Variants in GALNT18 observed in about 807,000 individuals in gnomAD.
The protein encoded by GALNT18 is GalNAc-transferase 18.
Under a neutral mutation model 69.5 loss-of-function variants are expected in GALNT18, and 44 were observed. The observed-to-expected ratio is 0.63, with a 90% CI of 0.50 to 0.81. The LOEUF is 0.81. Ranked by LOEUF, GALNT18 falls within the 40% of genes least tolerant of loss-of-function variation. The probability of loss-of-function intolerance (pLI) is 0.00; values close to 1 mark genes in which losing one functional copy is unlikely to be tolerated. For synonymous variants in GALNT18, 364 were observed against 318.2 expected, an observed-to-expected ratio of 1.14 and a Z score of -1.53; for missense variants, 715 against 810.0, an observed-to-expected ratio of 0.88 and a Z score of 1.42.
In GALNT18 at chr11:11,332,334, TGACTCATA is replaced by T. The variant is rs1850030642; in HGVS notation, c.1416+352_1416+359del. Among the ~76,000 whole-genome samples the T allele has an allele frequency of 6.6e-6, 1 of 152,170 alleles. No individual in the cohort carries two copies. Among genetic ancestry groups the T allele is most frequent in the Non-Finnish European group, 1.5e-5 (1 of 68,026 alleles). On this transcript the variant is annotated intron_variant, in intron 8 of 10. Transcript: ENST00000227756. The surrounding 1 kb of genome is among the most constrained non-coding windows in gnomAD (Gnocchi z 4.3). ...TCCTTGGTCAGGGAGGCACACAGGG[TGACTCATA>T]GACCCTCAGGCACCCCAGCTGGGAG...
At chr11:11,391,828 G>C (rs1466828355) in intron 3 of GALNT18, among the ~76,000 whole-genome samples, 1 of 152,258 alleles carries the variant, frequency 6.6e-6, no homozygotes, top group Non-Finnish European at 1.5e-5. Flanking sequence ...CCCAGATAAA[G>C]AGAAGCAGGC....
Position 11,271,015 on chromosome 11 carries a change from T to TA in GALNT18, c.*128dup, listed in dbSNP as rs1194942966. ...AACTCCATGAAAATTGAATAGGAAATAAAAAGCTCTTCTTGGGGGCCCACT... is the reference window on the plus strand; with the variant it reads ...AACTCCATGAAAATTGAATAGGAAATAAAAAAGCTCTTCTTGGGGGCCCACT... On this transcript the variant is annotated 3_prime_UTR_variant, in exon 11 of 11. Transcript: ENST00000227756. 7.2e-6 allele frequency: 5 copies of TA among 692,548 alleles called. No individual in the cohort carries two copies. Among genetic ancestry groups the TA allele is most frequent in the Non-Finnish European group, 1.1e-5 (5 of 436,752 alleles). The allele number at this position is 692,548 out of a possible 1,614,324, so 42.9% of individuals were successfully genotyped here.
chr11:11,327,208 A>C, intron 8 of GALNT18, 27 bp from the exon 9 acceptor site: 1 of 1,494,576 alleles, frequency 6.7e-7, no homozygotes, highest in Non-Finnish European at 9.3e-7. Context: ...AGATGGCCAC[A>C]CCAAAGAGAG....
chr11:11,366,248 C>T (rs1850765753), intron 6 of GALNT18, among the ~76,000 whole-genome samples: 1 of 152,148 alleles, frequency 6.6e-6, no homozygotes, highest in Non-Finnish European at 1.5e-5. Context: ...TAGGTTGAGT[C>T]AGTTTTCTTA....
chr11:11,596,994 G>A lies in GALNT18; in HGVS notation c.235+24365C>T, dbSNP rs900019587. 2.0e-5 allele frequency among the ~76,000 whole-genome samples: 3 copies of A among 152,100 alleles called. No homozygotes were observed. The highest frequency in any genetic ancestry group is 2.4e-5 in the African/African-American group (1 of 41,422). ...AATTATCTTCAATTCCTAGTTTATT[G>A]AGTGTTTTCATCCAGAAAGGGTAGA... On this transcript the variant is annotated intron_variant, in intron 1 of 10. Coordinates refer to ENST00000227756, the MANE Select transcript of GALNT18 (RefSeq NM_198516.3). The surrounding 1 kb of genome is among the most constrained non-coding windows in gnomAD (Gnocchi z 4.2).
chr11:11,482,419 G>A (rs1856551501), intron 1 of GALNT18, among the ~76,000 whole-genome samples: 1 of 152,232 alleles, frequency 6.6e-6, no homozygotes, highest in South Asian at 2.1e-4. Context: ...GAGGCCTCTG[G>A]GCAGATGGGT....
intron 1 of GALNT18, among the ~76,000 whole-genome samples, chr11:11,575,045 T>G (rs1441334150): frequency 6.6e-6 from 1 of 152,238 alleles, no homozygotes; most frequent in East Asian, 1.9e-4. Flanking sequence ...TTATGCAAAA[T>G]GCATCATAAA....
rs749876990 is a variant in GALNT18 at position 11,271,176 on chromosome 11, T to C, written c.1792A>G (p.Ile598Val). 1.2e-6 allele frequency: 2 copies of C among 1,613,852 alleles called. No individual in the cohort carries two copies. Among genetic ancestry groups the C allele is most frequent in the South Asian group, 2.2e-5 (2 of 91,072 alleles). Residue 598 changes from isoleucine (I) to valine (V), a missense_variant, in exon 11 of 11, where the codon ATC (isoleucine) becomes GTC (valine). Physicochemically the swap from Ile to Val is conservative, Grantham distance 29 (BLOSUM62 3). Coordinates refer to ENST00000227756, the MANE Select transcript of GALNT18 (RefSeq NM_198516.3). ...GCGAGGCTCCTCAGGACGTTGGTGA[T>C]GCTCCAGTGCTGGCCCGAGCACTTC... ...LQKCSGQHWS[I>V]TNVLRSLAS is the part of the protein sequence containing the mutation.
At position 11,621,982 on chromosome 11, in the gene GALNT18, G is replaced by C. The variant is rs112631141; in HGVS notation, c.-389C>G. On this transcript the variant is annotated 5_prime_UTR_variant, in exon 1 of 11. Transcript: ENST00000227756. This position sits in a 1 kb window ranked among gnomAD's most constrained non-coding sequence, Gnocchi z 9.3. ...CGCCGGCTGCCTTGGCGGTCCGACC[G>C]GCCCGCGCTGCTAGGAGAACAGCGG... 11 of 169,394 alleles carry C rather than the reference G, an allele frequency of 6.5e-5. 1 individual carries two copies. The highest frequency in any genetic ancestry group is 2.7e-3 in the Middle Eastern group (1 of 370). 10.5% of individuals were successfully genotyped at this position (169,394 alleles called of 1,614,324 possible).
At chr11:11,548,276 C>T (rs1354202705) in intron 1 of GALNT18, among the ~76,000 whole-genome samples, 1 of 152,252 alleles carries the variant, frequency 6.6e-6, no homozygotes, top group African/African-American at 2.4e-5. Flanking sequence ...TCCAATCAAT[C>T]TTGTCCTTGC....
chr11:11,442,473 C>T (rs912403778), intron 2 of GALNT18, among the ~76,000 whole-genome samples: 2 of 152,154 alleles, frequency 1.3e-5, no homozygotes, highest in Admixed American at 1.3e-4. Flanking sequence ...CCAGGACCCC[C>T]AAAGTTCAAA....
intron 3 of GALNT18, among the ~76,000 whole-genome samples, chr11:11,407,165 C>A (rs556191577): frequency 1.3e-5 from 2 of 152,202 alleles, no homozygotes; most frequent in Non-Finnish European, 2.9e-5. Context: ...TAGGCAGAGA[C>A]AATGTGTTCA....
At chr11:11,503,043 C>T (rs1464097799) in intron 1 of GALNT18, among the ~76,000 whole-genome samples, 13 of 152,208 alleles carry the variant, frequency 8.5e-5, no homozygotes, top group Non-Finnish European at 1.5e-5. Context: ...CTTCCTGCCC[C>T]ACTCATACAC....
At position 11,432,509 on chromosome 11, in the gene GALNT18, A is replaced by C; in HGVS notation, c.595+112T>G. ...CATGAATTTCTCATCTATGCTCCAG[A>C]GAAAGAGCAGCCACAGACAGCCTTG... On this transcript the variant is annotated intron_variant, in intron 3 of 10. Transcript: ENST00000227756. This position sits in a 1 kb window ranked among gnomAD's most constrained non-coding sequence, Gnocchi z 5.8. 1 of 1,088,712 alleles carries C rather than the reference A, an allele frequency of 9.2e-7. No individual in the cohort carries two copies. Among genetic ancestry groups the C allele is most frequent in the South Asian group, 1.6e-5 (1 of 63,182 alleles). 67.4% of individuals were successfully genotyped at this position (1,088,712 alleles called of 1,614,324 possible). A position where few individuals can be genotyped will look rare whatever the true frequency, so the allele number is the denominator to read the frequency against.
chr11:11,418,632 T>C (rs1263915035), intron 3 of GALNT18, among the ~76,000 whole-genome samples: 1 of 152,210 alleles, frequency 6.6e-6, no homozygotes, highest in Non-Finnish European at 1.5e-5. Context: ...CTTTGCTTAT[T>C]TGAGTGTTAT....
At chr11:11,514,148 A>G (rs1857219406) in intron 1 of GALNT18, among the ~76,000 whole-genome samples, 2 of 152,254 alleles carry the variant, frequency 1.3e-5, no homozygotes, top group South Asian at 4.1e-4. Context: ...TTCCCACATC[A>G]CAGAAGAGGA....
rs1305934303 is a variant in GALNT18 at position 11,402,835 on chromosome 11, G to C, written c.596-23571C>G. Among the ~76,000 whole-genome samples the C allele has an allele frequency of 1.3e-5, 2 of 152,200 alleles. No individual in the cohort carries two copies. Among genetic ancestry groups the C allele is most frequent in the African/African-American group, 4.8e-5 (2 of 41,452 alleles). The stretch of plus-strand genomic sequence containing the variant: ...GCTTCTTGTAGTGCTGTTGGCATCT[G>C]ACAAGGAGCCTCAGGTGTCCCCACG... On this transcript the variant is annotated intron_variant, in intron 3 of 10. Coordinates refer to ENST00000227756, the MANE Select transcript of GALNT18 (RefSeq NM_198516.3). The surrounding 1 kb of genome is among the most constrained non-coding windows in gnomAD (Gnocchi z 4.0).
Position 11,275,831 on chromosome 11 carries a change from T to C in GALNT18, c.1678-4541A>G, listed in dbSNP as rs375868835. ...TTGTTTCAGTCAGGTTTGTCAAAGA[T>C]CAGATTGTTGTAGATGTGTGGTGTT... On this transcript the variant is annotated intron_variant, in intron 10 of 10. Transcript: ENST00000227756. 2.4e-3 allele frequency among the ~76,000 whole-genome samples: 365 copies of C among 152,322 alleles called. 5 individuals carry two copies. The highest frequency in any genetic ancestry group is 8.1e-3 in the African/African-American group (336 of 41,578).
intron 1 of GALNT18, among the ~76,000 whole-genome samples, chr11:11,512,418 G>A (rs1036743179): frequency 3.3e-5 from 5 of 152,168 alleles, no homozygotes; most frequent in African/African-American, 1.2e-4. Context: ...ATTCTCTCTG[G>A]ATTTCACTCA....
Sources: allele counts gnomAD v4.1 joint callset (sites outside exome capture counted in the v4.1 genomes callset), GRCh38; gene constraint gnomAD v4.1.1; non-coding constraint Gnocchi (gnomAD v3.1); transcripts MANE v1.5; gene names NCBI Gene and HGNC (gene_info 2026-07-23, HGNC 2026-07-21).